The following CAMTA1 variants were observed in gnomAD, a reference collection of about 807,000 sequenced individuals.
CAMTA1 encodes the protein calmodulin-binding transcription activator 1.
In CAMTA1, 27 loss-of-function variants were observed where a neutral mutation model predicts 170.9. The observed-to-expected ratio is 0.16, with a 90% CI of 0.12 to 0.22. The LOEUF (loss-of-function observed/expected upper bound fraction) is 0.22, where lower values mean the gene tolerates loss of function less well. CAMTA1 is among the 10% of genes least tolerant of loss of function. The pLI is 1.00. For synonymous variants in CAMTA1, 833 were observed against 891.5 expected (o/e 0.93, Z 1.17); for missense variants, 1,619 against 2,217.2 (o/e 0.73, Z 5.42).
chr1:6,816,669 C>T (rs1485664299), intron 1 of CAMTA1, among the ~76,000 whole-genome samples: 1 of 152,196 alleles, frequency 6.6e-6, no homozygotes, highest in East Asian at 1.9e-4. Context: ...GTCCTGTGGA[C>T]ACAGTGGCTC....
chr1:7,161,020 T>C (rs950520540), intron 4 of CAMTA1, among the ~76,000 whole-genome samples: 3 of 152,206 alleles, frequency 2.0e-5, no homozygotes, highest in African/African-American at 7.2e-5. Context: ...CCTGTATTGC[T>C]GCAAAGGCTT....
chr1:6,985,398 G>T (rs565888143), intron 3 of CAMTA1, among the ~76,000 whole-genome samples: 18 of 152,348 alleles, frequency 1.2e-4, no homozygotes, highest in Middle Eastern at 3.4e-3. Flanking sequence ...TTTCAGAATA[G>T]AAATTTTCTC....
chr1:7,677,203 G>C (rs1051541109), intron 10 of CAMTA1, among the ~76,000 whole-genome samples: 1 of 152,164 alleles, frequency 6.6e-6, no homozygotes, highest in Non-Finnish European at 1.5e-5. Flanking sequence ...TAAATCCAAA[G>C]CAAATTTTGT....
At chr1:7,132,426 C>T (rs982919918) in intron 4 of CAMTA1, among the ~76,000 whole-genome samples, 2 of 152,240 alleles carry the variant, frequency 1.3e-5, no homozygotes, top group African/African-American at 4.8e-5. Context: ...AGGTGTGTAT[C>T]ACCATGCTCG....
At chr1:7,760,435 T>G (rs1315219692) in intron 22 of CAMTA1, among the ~76,000 whole-genome samples, 2 of 152,200 alleles carry the variant, frequency 1.3e-5, no homozygotes, top group South Asian at 2.1e-4. Context: ...TAAACAGTGC[T>G]CTAGGGTCAA....
At chr1:7,564,976 A>G (rs1053480304) in intron 6 of CAMTA1, among the ~76,000 whole-genome samples, 2 of 151,792 alleles carry the variant, frequency 1.3e-5, no homozygotes, top group African/African-American at 4.8e-5. Context: ...GTGGGAGAGT[A>G]TGAGAGGGAT....
chr1:7,040,587 C>G (rs1310856590), intron 3 of CAMTA1, among the ~76,000 whole-genome samples: 1 of 152,148 alleles, frequency 6.6e-6, no homozygotes, highest in Non-Finnish European at 1.5e-5. Context: ...GCTTGCCCGT[C>G]TCCCAGGTGT....
At chr1:6,931,264 T>G (rs1383488120) in intron 3 of CAMTA1, among the ~76,000 whole-genome samples, 3 of 152,332 alleles carry the variant, frequency 2.0e-5, no homozygotes, top group East Asian at 3.9e-4. Flanking sequence ...TTGGGTATTT[T>G]TATTTACTTA....
chr1:7,683,511 GGGTCACCCAAA>G (rs368560701), intron 11 of CAMTA1, among the ~76,000 whole-genome samples: 102 of 152,102 alleles, frequency 6.7e-4, no homozygotes, highest in African/African-American at 2.2e-3. Flanking sequence ...ACTGACCCAG[GGGTCACCCAAA>G]GGAAGAAAGG....
At chr1:7,002,273 G>A (rs1247365571) in intron 3 of CAMTA1, among the ~76,000 whole-genome samples, 2 of 152,162 alleles carry the variant, frequency 1.3e-5, no homozygotes, top group Admixed American at 1.3e-4. Flanking sequence ...GAACCGAGGT[G>A]CAGTGTCCTA....
At chr1:7,250,279 C>T (rs1485233604) in intron 5 of CAMTA1, among the ~76,000 whole-genome samples, 4 of 152,202 alleles carry the variant, frequency 2.6e-5, no homozygotes, top group Non-Finnish European at 5.9e-5. Flanking sequence ...TCCCTTATTC[C>T]TCTTTGCCAT....
chr1:7,006,572 C>T (rs1004504488), intron 3 of CAMTA1, among the ~76,000 whole-genome samples: 1 of 152,144 alleles, frequency 6.6e-6, no homozygotes, highest in Non-Finnish European at 1.5e-5. Context: ...GAAATTCACC[C>T]ATCTCTAAGG....
chr1:7,186,972 T>G (rs2148920148), intron 4 of CAMTA1, among the ~76,000 whole-genome samples: 1 of 152,076 alleles, frequency 6.6e-6, no homozygotes, highest in Admixed American at 6.5e-5. Flanking sequence ...ATTCAGAGTC[T>G]TCTTAGTAGG....
Position 6,897,262 on chromosome 1 carries a change from G to C in CAMTA1, c.234+72052G>C, listed in dbSNP as rs114798771. On this transcript the variant is annotated intron_variant, in intron 3 of 22. Coordinates refer to ENST00000303635, the MANE Select transcript of CAMTA1 (RefSeq NM_015215.4). ...AAATGAAGGTGGGAAGATGGGGGTG[G>C]AAAATGGGTTTTGACCAACATATGG... is the stretch of plus-strand genomic sequence containing the variant. 3.8e-3 allele frequency among the ~76,000 whole-genome samples: 580 copies of C among 152,288 alleles called. 4 individuals are homozygous for C. The highest frequency in any genetic ancestry group is 5.2e-3 in the Non-Finnish European group (351 of 68,022).
intron 5 of CAMTA1, among the ~76,000 whole-genome samples, chr1:7,339,028 A>G (rs533181541): frequency 7.2e-5 from 11 of 152,226 alleles, no homozygotes; most frequent in Non-Finnish European, 1.5e-4. Flanking sequence ...AAACAACTGG[A>G]TGTGGTGAGA....
chr1:7,112,021 C>A (rs749247993), intron 4 of CAMTA1, among the ~76,000 whole-genome samples: 1 of 152,008 alleles, frequency 6.6e-6, no homozygotes, highest in African/African-American at 2.4e-5. Context: ...ATGGCTGTCA[C>A]GTATCTCTGT....
chr1:7,398,256 G>A (rs1378488579), intron 5 of CAMTA1, among the ~76,000 whole-genome samples: 1 of 121,220 alleles, frequency 8.2e-6, no homozygotes, highest in Non-Finnish European at 1.7e-5. Context: ...ATATATCTGG[G>A]TGCCCCAATG....
chr1:6,836,303 G>C (rs1361720349), intron 3 of CAMTA1, among the ~76,000 whole-genome samples: 1 of 152,224 alleles, frequency 6.6e-6, no homozygotes, highest in East Asian at 1.9e-4. Flanking sequence ...AGAAACCACA[G>C]ATGGGTTGGG....
chr1:7,284,395 G>A (rs1473990188), intron 5 of CAMTA1, among the ~76,000 whole-genome samples: 1 of 151,838 alleles, frequency 6.6e-6, no homozygotes, highest in African/African-American at 2.4e-5. Flanking sequence ...GTAGAGATGG[G>A]GTTTCGCCAT....
Sources: allele counts gnomAD v4.1 joint callset (sites outside exome capture counted in the v4.1 genomes callset), GRCh38; gene constraint gnomAD v4.1.1; transcripts MANE v1.5; gene names NCBI Gene and HGNC (gene_info 2026-07-23, HGNC 2026-07-21).